The following TRIB1 variants were observed in gnomAD, a reference collection of about 807,000 sequenced individuals.
TRIB1 encodes the protein tribbles pseudokinase 1.
A neutral mutation model predicts 27.8 loss-of-function variants in TRIB1; 12 were observed. The ratio of observed to expected loss-of-function variants is 0.43; its 90% confidence interval spans 0.28 to 0.70. The LOEUF (loss-of-function observed/expected upper bound fraction) is 0.70, where lower values mean the gene tolerates loss of function less well. Ranked by LOEUF, TRIB1 falls within the 30% of genes least tolerant of loss-of-function variation. The pLI is 0.18. For missense variants in TRIB1, 475 were observed against 515.8 expected, an observed-to-expected ratio of 0.92 and a Z score of 0.77; for synonymous variants, 230 against 224.9, an observed-to-expected ratio of 1.02 and a Z score of -0.20.
chr8:125,435,939 A>C, intron 2 of TRIB1, 67 bp from the exon 3 acceptor site: 4 of 1,405,430 alleles, frequency 2.8e-6, no homozygotes, highest in Non-Finnish European at 2.9e-6. Flanking sequence ...GGGCGCTGTT[A>C]TTGGGAAGGC....
Position 125,433,855 on chromosome 8 carries a change from C to A in TRIB1, c.653+246C>A. The A allele has an allele frequency of 2.0e-6, 1 of 498,932 alleles. No homozygotes were observed. The highest frequency in any genetic ancestry group is 3.2e-5 in the East Asian group (1 of 31,178). The allele number at this position is 498,932 out of a possible 1,614,324, so 30.9% of individuals were successfully genotyped here. On this transcript the variant is annotated intron_variant, in intron 2 of 2. Transcript: ENST00000311922. This position sits in a 1 kb window ranked among gnomAD's most constrained non-coding sequence, Gnocchi z 4.4. ...GGCAAGTGTTGACAGGGTGCTCTTC[C>A]TCTCCTACCCCAGGATCAGGTTCAT... is the stretch of plus-strand genomic sequence containing the variant.
In TRIB1 at chr8:125,433,340, G is replaced by C; in HGVS notation, c.384G>C (p.Gln128His). ...RCKVFPIKHYQDKIRPYIQLP... is the reference protein window; with the variant it reads ...RCKVFPIKHYHDKIRPYIQLP... ...AGGTGTTTCCCATTAAACACTACCA[G>C]GACAAAATCAGGCCTTACATCCAGC... The change falls in exon 2 of 3, where the codon CAG becomes CAC. Residue 128 changes from glutamine (Q) to histidine (H), a missense_variant. Physicochemically the swap from Gln to His is conservative, Grantham distance 24. Transcript: ENST00000311922. This position sits in a 1 kb window ranked among gnomAD's most constrained non-coding sequence, Gnocchi z 4.4. The C allele has an allele frequency of 1.2e-6, 2 of 1,614,038 alleles. No homozygotes were observed. The highest frequency in any genetic ancestry group is 2.2e-5 in the East Asian group (1 of 44,878).
chr8:125,432,685 G>A (rs1814678002), intron 1 of TRIB1, among the ~76,000 whole-genome samples: 1 of 152,170 alleles, frequency 6.6e-6, no homozygotes. Flanking sequence ...CTTCCTGTGA[G>A]AATTGTAACT....
chr8:125,438,261 G>A lies in TRIB1; in HGVS notation c.*1790G>A, dbSNP rs536284997. ...CTGTTGTATCTGTGATACATTATCCGACTAAGGACTCTGGGCTGGCAGGGC... is the reference window on the plus strand; with the variant it reads ...CTGTTGTATCTGTGATACATTATCCAACTAAGGACTCTGGGCTGGCAGGGC... On this transcript the variant is annotated 3_prime_UTR_variant, in exon 3 of 3. Transcript: ENST00000311922. The A allele has an allele frequency of 5.6e-4, 86 of 152,782 alleles. No homozygotes were observed. Among genetic ancestry groups the A allele is most frequent in the Non-Finnish European group, 1.1e-3 (78 of 68,036 alleles). 9.5% of individuals were successfully genotyped at this position (152,782 alleles called of 1,614,324 possible).
intron 2 of TRIB1, among the ~76,000 whole-genome samples, chr8:125,434,898 A>G (rs1212039525): frequency 6.6e-6 from 1 of 151,030 alleles, no homozygotes; most frequent in Non-Finnish European, 1.5e-5. Flanking sequence ...TAGCACATGT[A>G]TACTACACTC....
chr8:125,430,593 G>A lies in TRIB1; in HGVS notation c.-310G>A. The A allele has an allele frequency of 7.0e-6, 2 of 287,574 alleles. No individual in the cohort carries two copies. Among genetic ancestry groups the A allele is most frequent in the South Asian group, 1.0e-4 (1 of 9,764 alleles). The allele number at this position is 287,574 out of a possible 1,614,324, so 17.8% of individuals were successfully genotyped here. The stretch of plus-strand genomic sequence containing the variant: ...CTGCCGCCGCCGCCTCTGCCTCCCG[G>A]ACTATCGGCAGCCTCGGCAACAATA... On this transcript the variant is annotated 5_prime_UTR_variant, in exon 1 of 3. Coordinates refer to ENST00000311922, the MANE Select transcript of TRIB1 (RefSeq NM_025195.4).
In TRIB1 at chr8:125,433,302, C is replaced by A. The variant is rs2235109; in HGVS notation, c.361-15C>A. On this transcript the variant is annotated splice_polypyrimidine_tract_variant and intron_variant, in intron 1 of 2. Transcript: ENST00000311922. This position sits in a 1 kb window ranked among gnomAD's most constrained non-coding sequence, Gnocchi z 4.4. Reference sequence around the variant, plus strand: ...CTTTTCTAGCCCCCTAAACGGGCCCCCCTTCTCTCTACAGGTGTTTCCCAT... The same window carrying A: ...CTTTTCTAGCCCCCTAAACGGGCCCACCTTCTCTCTACAGGTGTTTCCCAT... The A allele has an allele frequency of 0.31, 492,057 of 1,599,732 alleles. 86,387 individuals are homozygous for A. Among genetic ancestry groups the A allele is most frequent in the East Asian group, 0.62 (27,519 of 44,464 alleles).
Position 125,436,141 on chromosome 8 carries a change from G to C in TRIB1, c.789G>C (p.Lys263Asn). The change falls in exon 3 of 3, where the codon AAG becomes AAC. Residue 263 changes from lysine (K) to asparagine (N), a missense_variant. Coordinates refer to ENST00000311922, the MANE Select transcript of TRIB1 (RefSeq NM_025195.4). ...ILNTTGTYSGKAADVWSLGVM... is the reference protein window; with the variant it reads ...ILNTTGTYSGNAADVWSLGVM... ...ACACCACTGGGACCTACTCCGGAAA[G>C]GCTGCGGACGTTTGGAGCCTGGGGG... 1 of 1,614,206 alleles carries C rather than the reference G, an allele frequency of 6.2e-7. No individual in the cohort carries two copies.
intron 2 of TRIB1, among the ~76,000 whole-genome samples, chr8:125,434,939 A>C (rs541760200): frequency 9.4e-5 from 14 of 149,546 alleles, no homozygotes; most frequent in African/African-American, 2.2e-4. Flanking sequence ...AAAAAAAAAA[A>C]CAGACCTTTG....
Position 125,433,751 on chromosome 8 carries a change from T to A in TRIB1, c.653+142T>A. ...ATTTAGTATTTAGAGCTTCTGTTCC[T>A]GAGGAGTCACAGCCAAGGTTGGTTT... is the stretch of plus-strand genomic sequence containing the variant. On this transcript the variant is annotated intron_variant, in intron 2 of 2. Coordinates refer to ENST00000311922, the MANE Select transcript of TRIB1 (RefSeq NM_025195.4). The surrounding 1 kb of genome is among the most constrained non-coding windows in gnomAD (Gnocchi z 4.4). 9.3e-7 allele frequency: 1 copy of A among 1,079,562 alleles called. No individual in the cohort carries two copies. Among genetic ancestry groups the A allele is most frequent in the Non-Finnish European group, 1.3e-6 (1 of 771,668 alleles). 66.9% of individuals were successfully genotyped at this position (1,079,562 alleles called of 1,614,324 possible). A position where few individuals can be genotyped will look rare whatever the true frequency, so the allele number is the denominator to read the frequency against.
chr8:125,434,869 G>A (rs1426055985), intron 2 of TRIB1, among the ~76,000 whole-genome samples: 1 of 151,618 alleles, frequency 6.6e-6, no homozygotes, highest in South Asian at 2.1e-4. Context: ...GGGAGGTCAC[G>A]CTGAGGACAT....
At position 125,433,545 on chromosome 8, in the gene TRIB1, C is replaced by T; in HGVS notation, c.589C>T (p.His197Tyr). ...GATTGTCTCCGCCGTCGCCCACTGC[C>T]ACCAGTCAGCCATCGTGCTGGGGGA... ...KQIVSAVAHC[H>Y]QSAIVLGDLK... is the part of the protein sequence containing the mutation. Residue 197 changes from histidine to tyrosine, a missense_variant, in exon 2 of 3, where the codon CAC becomes TAC. His to Tyr is a moderately conservative substitution (Grantham distance 83). Transcript: ENST00000311922. The surrounding 1 kb of genome is among the most constrained non-coding windows in gnomAD (Gnocchi z 4.4). The T allele has an allele frequency of 6.2e-7, 1 of 1,613,830 alleles. No individual in the cohort carries two copies. Among genetic ancestry groups the T allele is most frequent in the Non-Finnish European group, 8.5e-7 (1 of 1,179,758 alleles).
At chr8:125,435,589 T>C (rs1035621373) in intron 2 of TRIB1, among the ~76,000 whole-genome samples, 1 of 152,150 alleles carries the variant, frequency 6.6e-6, no homozygotes, top group Non-Finnish European at 1.5e-5. Flanking sequence ...GATGGGTTCG[T>C]AGGATGCTCA....
chr8:125,436,612 T>C lies in TRIB1; in HGVS notation c.*141T>C. On this transcript the variant is annotated 3_prime_UTR_variant, in exon 3 of 3. Transcript: ENST00000311922. ...GCTGAACTCGGCATGGCGCCTCCTC[T>C]TCTCTGTTGGGATGAGTGACTTTAT... is the stretch of plus-strand genomic sequence containing the variant. 5.3e-6 allele frequency: 4 copies of C among 753,228 alleles called. No individual in the cohort carries two copies. The highest frequency in any genetic ancestry group is 1.8e-5 in the South Asian group (1 of 54,778). 46.7% of individuals were successfully genotyped at this position (753,228 alleles called of 1,614,324 possible).
Position 125,436,448 on chromosome 8 carries a change from G to A in TRIB1, c.1096G>A (p.Asp366Asn), listed in dbSNP as rs939499874. ...TGTTCCAGAGTACCAGGAGGACAGT[G>A]ACATTAGTTCCTTCTTCTGCTAATC... Reference protein sequence around the residue: ...QIVPEYQEDSDISSFFC With the variant: ...QIVPEYQEDSNISSFFC The change falls in exon 3 of 3, where the codon GAC becomes AAC. Residue 366 changes from aspartate to asparagine, a missense_variant. Coordinates refer to ENST00000311922, the MANE Select transcript of TRIB1 (RefSeq NM_025195.4). 1.9e-6 allele frequency: 3 copies of A among 1,613,968 alleles called. No homozygotes were observed. The highest frequency in any genetic ancestry group is 1.7e-5 in the Admixed American group (1 of 59,996).
Position 125,436,510 on chromosome 8 carries a change from G to C in TRIB1, c.*39G>C. On this transcript the variant is annotated 3_prime_UTR_variant, in exon 3 of 3. Coordinates refer to ENST00000311922, the MANE Select transcript of TRIB1 (RefSeq NM_025195.4). ...AGAAACCTCATAATTCTTAACACCT[G>C]GCATTTCCATTTCTAAAGATGGACA... 6.3e-7 allele frequency: 1 copy of C among 1,588,360 alleles called. No individual in the cohort carries two copies. The highest frequency in any genetic ancestry group is 8.6e-7 in the Non-Finnish European group (1 of 1,161,084).
rs1039614742 is a variant in TRIB1 at position 125,436,595 on chromosome 8, C to T, written c.*124C>T. The T allele has an allele frequency of 4.1e-5, 36 of 885,952 alleles. No individual in the cohort carries two copies. In the Admixed American group the frequency reaches 6.3e-4, roughly 15 times the overall value. The allele number at this position is 885,952 out of a possible 1,614,324, so 54.9% of individuals were successfully genotyped here. ...GCATCAGGATGAAAGCTGCTGAACTCGGCATGGCGCCTCCTCTTCTCTGTT... is the reference window on the plus strand; with the variant it reads ...GCATCAGGATGAAAGCTGCTGAACTTGGCATGGCGCCTCCTCTTCTCTGTT... On this transcript the variant is annotated 3_prime_UTR_variant, in exon 3 of 3. Transcript: ENST00000311922.
Position 125,437,974 on chromosome 8 carries a change from TGA to T in TRIB1, c.*1506_*1507del, listed in dbSNP as rs1814782776. The T allele has an allele frequency of 6.5e-6, 1 of 152,820 alleles. No individual in the cohort carries two copies. Among genetic ancestry groups the T allele is most frequent in the Non-Finnish European group, 1.5e-5 (1 of 68,056 alleles). The allele number at this position is 152,820 out of a possible 1,614,324, so 9.5% of individuals were successfully genotyped here. A position where few individuals can be genotyped will look rare whatever the true frequency, so the allele number is the denominator to read the frequency against. The stretch of plus-strand genomic sequence containing the variant: ...CTAGGCAAACTACTAACATGCATTG[TGA>T]GAATGCCGTGTATACCTCACGTACT... On this transcript the variant is annotated 3_prime_UTR_variant, in exon 3 of 3. Transcript: ENST00000311922.
intron 1 of TRIB1, among the ~76,000 whole-genome samples, chr8:125,431,618 C>A (rs937904376): frequency 3.9e-5 from 6 of 152,234 alleles, no homozygotes; most frequent in African/African-American, 1.4e-4. Flanking sequence ...CCCCCCTCCC[C>A]CGCCAATGTC....
Sources: allele counts gnomAD v4.1 joint callset (sites outside exome capture counted in the v4.1 genomes callset), GRCh38; gene constraint gnomAD v4.1.1; non-coding constraint Gnocchi (gnomAD v3.1); transcripts MANE v1.5; gene names NCBI Gene and HGNC (gene_info 2026-07-23, HGNC 2026-07-21).